Variants in KRT77 observed in about 807,000 individuals in gnomAD.
KRT77 encodes the protein keratin 77.
KRT77 carries 44 observed loss-of-function variants against 51.5 expected under a neutral mutation model. The observed-to-expected ratio is 0.85, with a 90% CI of 0.67 to 1.10. KRT77 has a LOEUF of 1.10. KRT77 is among the 50% of genes least tolerant of loss of function. KRT77 has a pLI of 0.00. For missense variants in KRT77, 763 were observed against 743.9 expected (o/e 1.03, Z -0.30); for synonymous variants, 293 against 302.0 (o/e 0.97, Z 0.31).
intron 2 of KRT77, chr12:52,696,768 A>G (rs1260282856): frequency 4.3e-6 from 1 of 234,984 alleles, no homozygotes; most frequent in African/African-American, 2.2e-5. Context: ...AGAACATGAA[A>G]TAACAACCAC....
In KRT77 at chr12:52,692,508, C is replaced by T. The variant is rs760656188; in HGVS notation, c.1340G>A (p.Arg447His). The T allele has an allele frequency of 4.8e-5, 77 of 1,613,912 alleles. 1 individual carries two copies. Among genetic ancestry groups the T allele is most frequent in the Admixed American group, 1.5e-4 (9 of 59,996 alleles). The stretch of plus-strand genomic sequence containing the variant: ...GACCCCCAGCATGGCCTGGTAGTCA[C>T]GCAGCAGCCGGGCCAGCTCCTCCTT... Reference protein sequence around the residue: ...QSKEELARLLRDYQAMLGVKL... With the variant: ...QSKEELARLLHDYQAMLGVKL... Residue 447 changes from arginine to histidine, a missense_variant, in exon 7 of 9, where the codon CGT becomes CAT. Arg to His is a conservative substitution (Grantham distance 29). Coordinates refer to ENST00000341809, the MANE Select transcript of KRT77 (RefSeq NM_175078.3).
In KRT77 at chr12:52,703,387, C is replaced by T. The variant is rs776190184; in HGVS notation, c.48G>A (p.Arg16=). The T allele has an allele frequency of 6.2e-7, 1 of 1,611,150 alleles. No homozygotes were observed. The highest frequency in any genetic ancestry group is 2.2e-5 in the East Asian group (1 of 44,808). ...SSQSAFSSMS[R]RVYSTSSSAG... ...CAGAAGAGCTGGTACTATAAACCCG[C>T]CTGCTCATTGAACTAAACGCGGACT... is the stretch of plus-strand genomic sequence containing the variant. The change falls in exon 1 of 9, where the codon AGG becomes AGA. Residue 16 remains arginine (R), a synonymous_variant. Transcript: ENST00000341809.
chr12:52,695,489 T>G (rs2121055642), intron 4 of KRT77: 1 of 349,100 alleles, frequency 2.9e-6, no homozygotes, highest in South Asian at 4.9e-5. Context: ...CCCTTATATG[T>G]CTGGGTGATT....
chr12:52,699,222 A>T (rs1941848339), intron 1 of KRT77, among the ~76,000 whole-genome samples: 1 of 152,180 alleles, frequency 6.6e-6, no homozygotes, highest in Non-Finnish European at 1.5e-5. Context: ...TTCAGGACTC[A>T]TTCACTGCAC....
intron 5 of KRT77, 94 bp downstream of exon 5, chr12:52,694,532 A>G: frequency 8.3e-7 from 1 of 1,202,590 alleles, no homozygotes; most frequent in Non-Finnish European, 1.1e-6. Flanking sequence ...AACACATTTT[A>G]CTTCAGAAAT....
chr12:52,694,470 G>A (rs1941762170), intron 5 of KRT77, among the ~76,000 whole-genome samples, 156 bp downstream of exon 5: 4 of 152,182 alleles, frequency 2.6e-5, no homozygotes, highest in African/African-American at 9.7e-5. Context: ...TATTAATAGC[G>A]GTAGTGAGAG....
rs1328730054 is a variant in KRT77 at position 52,691,062 on chromosome 12, A to T, written c.*103T>A. ...TTTATTGGCAAAATTGCTGAGACCC[A>T]TTAAGAAAAGTGAATGAGAGGGGAT... On this transcript the variant is annotated 3_prime_UTR_variant, in exon 9 of 9. Transcript: ENST00000341809. 6.4e-7 allele frequency: 1 copy of T among 1,551,686 alleles called. No homozygotes were observed. The highest frequency in any genetic ancestry group is 8.8e-7 in the Non-Finnish European group (1 of 1,135,850).
At position 52,703,161 on chromosome 12, in the gene KRT77, C is replaced by T. The variant is rs765569339; in HGVS notation, c.274G>A (p.Gly92Arg). The change falls in exon 1 of 9, where the codon GGA becomes AGA. Residue 92 changes from glycine to arginine, a missense_variant. By Grantham distance (125) the Gly-to-Arg change is moderately radical. Coordinates refer to ENST00000341809, the MANE Select transcript of KRT77 (RefSeq NM_175078.3). ...FCQGGGVGGF[G>R]GGRGFGVGST... is the part of the protein sequence containing the mutation. The stretch of plus-strand genomic sequence containing the variant: ...CCAACCCCAAAGCCTCTGCCCCCTC[C>T]AAATCCCCCTACTCCCCCACCCTGG... 190 of 1,609,618 alleles carry T rather than the reference C, an allele frequency of 1.2e-4. No individual in the cohort carries two copies. The highest frequency in any genetic ancestry group is 1.6e-4 in the Non-Finnish European group (183 of 1,177,242).
intron 4 of KRT77, chr12:52,695,497 A>G (rs1941781264): frequency 2.7e-6 from 1 of 364,598 alleles, no homozygotes; most frequent in Non-Finnish European, 5.1e-6. Flanking sequence ...TGTCTGGGTG[A>G]TTTCCCAGAC....
At chr12:52,702,089 C>A (rs1031735579) in intron 1 of KRT77, among the ~76,000 whole-genome samples, 2 of 152,222 alleles carry the variant, frequency 1.3e-5, no homozygotes, top group African/African-American at 2.4e-5. Context: ...AGCACATATA[C>A]TAAAATTAGA....
At chr12:52,697,572 G>A (rs1016926331) in intron 2 of KRT77, 110 bp downstream of exon 2, 5 of 262,790 alleles carry the variant, frequency 1.9e-5, no homozygotes, top group South Asian at 1.7e-4. Flanking sequence ...TGCAGAGCCT[G>A]CATGCCCCGC....
Position 52,697,832 on chromosome 12 carries a change from T to C in KRT77, c.608A>G (p.Asn203Ser), listed in dbSNP as rs756018848. The C allele has an allele frequency of 2.5e-6, 4 of 1,613,948 alleles. No individual in the cohort carries two copies. Among genetic ancestry groups the C allele is most frequent in the South Asian group, 1.1e-5 (1 of 91,082 alleles). The change falls in exon 2 of 9, where the codon AAC becomes AGC. Residue 203 changes from asparagine (N) to serine (S), a missense_variant. By Grantham distance (46) the Asn-to-Ser change is conservative. Transcript: ENST00000341809. ...QTKWELLQQV[N>S]TSTGTNNLEP... ...CAGGTTGTTGGTTCCAGTTGAGGTG[T>C]TCACCTGCTGCAGCAACTCCCATTT...
At position 52,691,960 on chromosome 12, in the gene KRT77, C is replaced by T; in HGVS notation, c.1440G>A (p.Glu480=). ...TACAGATGCTCACATGGCTCTGCAG[C>T]TCTCCTGACATCCTGTAAAACCAAA... is the stretch of plus-strand genomic sequence containing the variant. The part of the protein sequence containing the change: ...LEGEESRMSG[E]LQSHVSISVQ... Residue 480 remains glutamate, a synonymous_variant, in exon 8 of 9, where the codon GAG becomes GAA. Transcript: ENST00000341809. 2 of 1,614,076 alleles carry T rather than the reference C, an allele frequency of 1.2e-6. No homozygotes were observed. Among genetic ancestry groups the T allele is most frequent in the Admixed American group, 1.7e-5 (1 of 60,038 alleles).
chr12:52,702,828 G>A (rs1014312468), intron 1 of KRT77, 64 bp downstream of exon 1: 7 of 1,508,892 alleles, frequency 4.6e-6, no homozygotes, highest in Non-Finnish European at 6.4e-6. Context: ...GAGGTGGTAA[G>A]GTGTAATCTC....
chr12:52,692,814 CA>C lies in KRT77; in HGVS notation c.1146del (p.Ile382MetfsTer18). The C allele has an allele frequency of 6.2e-7, 1 of 1,604,172 alleles. No individual in the cohort carries two copies. The highest frequency in any genetic ancestry group is 8.5e-7 in the Non-Finnish European group (1 of 1,171,570). ...GDDLKNSKME[I>X]AELNRTVQRL... ...CTCTGGACGGTGCGGTTGAGCTCTG[CA>C]ATCTCCATCTTGCTGTTCTTCAGGT... On this transcript the variant is annotated frameshift_variant, in exon 6 of 9. Transcript: ENST00000341809. LOFTEE classifies it high-confidence loss of function.
rs780465817 is a variant in KRT77, at chr12:52,692,524, G to C, written c.1324C>G (p.Leu442Val). 25 of 1,613,920 alleles carry C rather than the reference G, an allele frequency of 1.5e-5. No individual in the cohort carries two copies. Among genetic ancestry groups the C allele is most frequent in the Non-Finnish European group, 2.0e-5 (24 of 1,179,998 alleles). ...EEALQQSKEE[L>V]ARLLRDYQAM... The stretch of plus-strand genomic sequence containing the variant: ...TGGTAGTCACGCAGCAGCCGGGCCA[G>C]CTCCTCCTTGGACTGCTGCAGGGCC... The change falls in exon 7 of 9, where the codon CTG becomes GTG. Residue 442 changes from leucine to valine, a missense_variant. Coordinates refer to ENST00000341809, the MANE Select transcript of KRT77 (RefSeq NM_175078.3).
In KRT77 at chr12:52,691,033, C is replaced by A; in HGVS notation, c.*132G>T. 7.5e-7 allele frequency: 1 copy of A among 1,338,418 alleles called. No homozygotes were observed. Among genetic ancestry groups the A allele is most frequent in the African/African-American group, 1.4e-5 (1 of 69,582 alleles). 82.9% of individuals were successfully genotyped at this position (1,338,418 alleles called of 1,614,324 possible). On this transcript the variant is annotated 3_prime_UTR_variant, in exon 9 of 9. Coordinates refer to ENST00000341809, the MANE Select transcript of KRT77 (RefSeq NM_175078.3). ...TCCACCCTGCTTCCCCCATTAGAGT[C>A]GAATTTATTGGCAAAATTGCTGAGA...
chr12:52,701,430 A>T (rs1941885980), intron 1 of KRT77, among the ~76,000 whole-genome samples: 2 of 152,152 alleles, frequency 1.3e-5, no homozygotes, highest in Admixed American at 6.5e-5. Flanking sequence ...CTGCTCAGAT[A>T]TCAGAGGCCT....
In KRT77 at chr12:52,695,724, T is replaced by C. The variant is rs759797619; in HGVS notation, c.915+48A>G. On this transcript the variant is annotated intron_variant, in intron 4 of 8. Transcript: ENST00000341809. The stretch of plus-strand genomic sequence containing the variant: ...CTCCCCTCTTACAGCCCATACTCCT[T>C]GTGAGATGTGAGAAAAGAAAGGAGG... The C allele has an allele frequency of 2.1e-5, 28 of 1,346,174 alleles. No individual in the cohort carries two copies. The East Asian group carries it at 6.2e-4, about 30-fold the overall frequency. The allele number at this position is 1,346,174 out of a possible 1,614,324, so 83.4% of individuals were successfully genotyped here.
Sources: gnomAD v4.1 joint callset for allele counts (sites outside exome capture counted in the v4.1 genomes callset) on GRCh38, gnomAD v4.1.1 for gene constraint, MANE v1.5 for transcripts, NCBI Gene and HGNC (gene_info 2026-07-23, HGNC 2026-07-21) for gene names.